ZDHHC14: variants seen among roughly 807,000 people sequenced by gnomAD.
ZDHHC14 encodes palmitoyltransferase ZDHHC14.
ZDHHC14 carries 16 observed loss-of-function variants against 47.7 expected under a neutral mutation model. The ratio of observed to expected loss-of-function variants is 0.34; its 90% CI spans 0.23 to 0.51. The LOEUF (loss-of-function observed/expected upper bound fraction) is 0.51, where lower values mean the gene tolerates loss of function less well. Ranked by LOEUF, ZDHHC14 falls within the 20% of genes least tolerant of loss-of-function variation. The pLI is 0.97. For synonymous variants in ZDHHC14, 293 were observed against 278.9 expected (o/e 1.05, Z -0.50); for missense variants, 515 against 662.5 (o/e 0.78, Z 2.44).
At chr6:157,494,838 T>A (rs1397634599) in intron 1 of ZDHHC14, among the ~76,000 whole-genome samples, 1 of 152,218 alleles carries the variant, frequency 6.6e-6, no homozygotes, top group Non-Finnish European at 1.5e-5. Flanking sequence ...ATATCCTGAA[T>A]TCATAGTCTA....
chr6:157,601,546 AAATC>A (rs1784336363), intron 3 of ZDHHC14, among the ~76,000 whole-genome samples: 1 of 152,242 alleles, frequency 6.6e-6, no homozygotes, highest in South Asian at 2.1e-4. Context: ...ATTGTAATAA[AAATC>A]AAGACATGTA....
At chr6:157,481,788 G>A (rs1779636329) in intron 1 of ZDHHC14, among the ~76,000 whole-genome samples, 1 of 152,130 alleles carries the variant, frequency 6.6e-6, no homozygotes, top group African/African-American at 2.4e-5. Flanking sequence ...CCTAAAGCTC[G>A]ATAGCACCGA....
rs1199363395 is a variant in ZDHHC14 at position 157,656,318 on chromosome 6, A to G, written c.1068+2691A>G. On this transcript the variant is annotated intron_variant, in intron 8 of 8. Transcript: ENST00000359775. ...CCTGTTGGTCACCCCTTGTCACTCA[A>G]TTCAGTGTAAGGCTACTTTTCTTTT... Among the ~76,000 whole-genome samples, 2 of 150,572 alleles carry G rather than the reference A, an allele frequency of 1.3e-5. 1 individual carries two copies. Among genetic ancestry groups the G allele is most frequent in the Non-Finnish European group, 2.9e-5 (2 of 67,836 alleles).
chr6:157,650,457 C>G (rs891867564), intron 7 of ZDHHC14, among the ~76,000 whole-genome samples: 1 of 152,020 alleles, frequency 6.6e-6, no homozygotes, highest in East Asian at 1.9e-4. Flanking sequence ...CTCATTGGGC[C>G]GTGTCCAGAG....
At chr6:157,554,269 A>G (rs1338828353) in intron 2 of ZDHHC14, among the ~76,000 whole-genome samples, 3 of 152,228 alleles carry the variant, frequency 2.0e-5, no homozygotes, top group African/African-American at 7.2e-5. Context: ...GTGGGCTAAA[A>G]TCTTCTGCTG....
At chr6:157,540,884 A>ATGTGTGTGCGTG (rs761747961) in intron 1 of ZDHHC14, among the ~76,000 whole-genome samples, 1 of 117,708 alleles carries the variant, frequency 8.5e-6, no homozygotes, top group Non-Finnish European at 1.6e-5. Flanking sequence ...ATATATATGT[A>ATGTGTGTGCGTG]TGTATGTGTG....
chr6:157,546,484 T>G (rs2114812462), intron 2 of ZDHHC14, among the ~76,000 whole-genome samples: 1 of 152,152 alleles, frequency 6.6e-6, no homozygotes, highest in Admixed American at 6.5e-5. Flanking sequence ...GAGGAGTAGG[T>G]GGGGAGGAGG....
At chr6:157,464,101 A>G (rs1275131795) in intron 1 of ZDHHC14, among the ~76,000 whole-genome samples, 5 of 152,250 alleles carry the variant, frequency 3.3e-5, no homozygotes, top group African/African-American at 1.2e-4. Context: ...AGGTAAAAAC[A>G]TAAGCTGTAA....
At chr6:157,640,979 G>A (rs1351745066) in intron 5 of ZDHHC14, among the ~76,000 whole-genome samples, 3 of 152,128 alleles carry the variant, frequency 2.0e-5, no homozygotes, top group Admixed American at 6.5e-5. Context: ...ATGCTGATAC[G>A]GGGGTGGGAG....
In ZDHHC14 at chr6:157,637,267, GT is replaced by G. The variant is rs575067646; in HGVS notation, c.752+4386del. 3.3e-5 allele frequency among the ~76,000 whole-genome samples: 5 copies of G among 152,290 alleles called. No individual in the cohort carries two copies. In the East Asian group the frequency reaches 9.6e-4, roughly 29 times the overall value. ...GAAGCCCTGTAGCTCCTGAGGAAGA[GT>G]GTGCCAAAGTCAAGGGCCACTCAGG... On this transcript the variant is annotated intron_variant, in intron 5 of 8. Coordinates refer to ENST00000359775, the MANE Select transcript of ZDHHC14 (RefSeq NM_024630.3).
At chr6:157,620,657 A>C (rs1381827448) in intron 3 of ZDHHC14, among the ~76,000 whole-genome samples, 8 of 152,226 alleles carry the variant, frequency 5.3e-5, no homozygotes, top group Non-Finnish European at 1.0e-4. Context: ...CCCTGGACAC[A>C]AAGGCCAGGC....
At position 157,516,423 on chromosome 6, in the gene ZDHHC14, G is replaced by A. The variant is rs538018477; in HGVS notation, c.246-26162G>A. ...ATTGTCATTCCCGTGAACAGGTTGC[G>A]GGTCCCTGAGTGCCTGGCCCGTGCT... is the stretch of plus-strand genomic sequence containing the variant. On this transcript the variant is annotated intron_variant, in intron 1 of 8. Transcript: ENST00000359775. Among the ~76,000 whole-genome samples, 11 of 152,196 alleles carry A rather than the reference G, an allele frequency of 7.2e-5. No individual in the cohort carries two copies. The South Asian group carries it at 1.7e-3, about 23-fold the overall frequency.
intron 5 of ZDHHC14, among the ~76,000 whole-genome samples, chr6:157,638,513 C>T (rs1164865472): frequency 1.3e-5 from 2 of 151,944 alleles, no homozygotes; most frequent in Non-Finnish European, 2.9e-5. Flanking sequence ...AAAAAAGGGA[C>T]TGGGCCCTCT....
At chr6:157,576,037 G>T (rs147549443) in intron 2 of ZDHHC14, among the ~76,000 whole-genome samples, 213 of 152,284 alleles carry the variant, frequency 1.4e-3, no homozygotes, top group Non-Finnish European at 2.5e-3. Context: ...TGCTCCTCCT[G>T]TGATGGGTAG....
chr6:157,512,004 C>T (rs1229797589), intron 1 of ZDHHC14, among the ~76,000 whole-genome samples: 1 of 152,088 alleles, frequency 6.6e-6, no homozygotes. Flanking sequence ...GCTCGAAATG[C>T]GAAGTAATGA....
At chr6:157,458,398 T>A (rs766563486) in intron 1 of ZDHHC14, among the ~76,000 whole-genome samples, 4 of 152,196 alleles carry the variant, frequency 2.6e-5, no homozygotes, top group Non-Finnish European at 5.9e-5. Flanking sequence ...GAAAATCTAT[T>A]CTGTTGGTAT....
chr6:157,655,418 G>T lies in ZDHHC14; in HGVS notation c.1068+1791G>T, dbSNP rs543209981. Among the ~76,000 whole-genome samples the T allele has an allele frequency of 1.5e-3, 235 of 152,280 alleles. 3 individuals are homozygous for T. The highest frequency in any genetic ancestry group is 5.5e-3 in the African/African-American group (228 of 41,546). On this transcript the variant is annotated intron_variant, in intron 8 of 8. Transcript: ENST00000359775. ...CTAGCCTGGCGACTCCAGTGCCCAC[G>T]TTCACTTCTTACACTGCATGCCTGC... is the stretch of plus-strand genomic sequence containing the variant.
chr6:157,545,973 GTTT>G (rs573581865), intron 2 of ZDHHC14, among the ~76,000 whole-genome samples: 86 of 152,328 alleles, frequency 5.6e-4, no homozygotes, highest in African/African-American at 1.9e-3. Flanking sequence ...GTAAATGATC[GTTT>G]TTTGTTTTGT....
intron 1 of ZDHHC14, among the ~76,000 whole-genome samples, chr6:157,401,034 G>A (rs1777625585): frequency 6.6e-6 from 1 of 152,232 alleles, no homozygotes. Context: ...GAGTGGAGGA[G>A]ACAGCCAAAA....
Sources: allele counts gnomAD v4.1 joint callset (sites outside exome capture counted in the v4.1 genomes callset), GRCh38; gene constraint gnomAD v4.1.1; transcripts MANE v1.5; gene names NCBI Gene and HGNC (gene_info 2026-07-23, HGNC 2026-07-21).